GNAI1: variants seen among roughly 807,000 people sequenced by gnomAD.
The protein encoded by GNAI1 is G protein subunit alpha i1.
A neutral mutation model predicts 38.9 loss-of-function variants in GNAI1; 11 were observed. The observed-to-expected ratio is 0.28, with a 90% CI of 0.18 to 0.47. The LOEUF is 0.47. GNAI1 is among the 20% of genes least tolerant of loss of function. The pLI is 0.99. For synonymous variants in GNAI1, 166 were observed against 145.1 expected (o/e 1.14, Z -1.04); for missense variants, 317 against 436.9 (o/e 0.73, Z 2.45).
At chr7:80,171,797 A>G (rs1406629448) in intron 1 of GNAI1, among the ~76,000 whole-genome samples, 1 of 152,198 alleles carries the variant, frequency 6.6e-6, no homozygotes, top group African/African-American at 2.4e-5. Flanking sequence ...TCAGTTATTT[A>G]TCAGACATCT....
At chr7:80,188,465 ATAATAGG>A (rs542348891) in intron 1 of GNAI1, among the ~76,000 whole-genome samples, 37 of 152,348 alleles carry the variant, frequency 2.4e-4, no homozygotes, top group Admixed American at 8.5e-4. Context: ...AGTATATGAA[ATAATAGG>A]TAGAGCAGAC....
intron 1 of GNAI1, among the ~76,000 whole-genome samples, chr7:80,136,333 GTATTT>G (rs1410069446): frequency 6.6e-6 from 1 of 152,124 alleles, no homozygotes; most frequent in African/African-American, 2.4e-5. Context: ...AGGACTGCTT[GTATTT>G]TTATACCAGT....
intron 1 of GNAI1, among the ~76,000 whole-genome samples, chr7:80,154,717 A>G (rs944848683): frequency 1.3e-5 from 2 of 152,208 alleles, no homozygotes; most frequent in Non-Finnish European, 2.9e-5. Flanking sequence ...TGCACATTGT[A>G]TATTTAAGAG....
intron 1 of GNAI1, among the ~76,000 whole-genome samples, chr7:80,182,801 C>T (rs186325031): frequency 4.6e-5 from 7 of 152,310 alleles, no homozygotes; most frequent in Admixed American, 3.3e-4. Context: ...TGCATGTTCA[C>T]GTGACAAACA....
chr7:80,178,168 A>C (rs942900824), intron 1 of GNAI1, among the ~76,000 whole-genome samples: 14 of 152,224 alleles, frequency 9.2e-5, no homozygotes, highest in African/African-American at 3.4e-4. Context: ...TGAATGCAAT[A>C]TCATGATAAA....
At chr7:80,178,341 A>G (rs1788228139) in intron 1 of GNAI1, among the ~76,000 whole-genome samples, 1 of 152,252 alleles carries the variant, frequency 6.6e-6, no homozygotes, top group South Asian at 2.1e-4. Flanking sequence ...AGGGTTTTAG[A>G]GGATTGGATC....
At chr7:80,152,600 G>A (rs1369479252) in intron 1 of GNAI1, among the ~76,000 whole-genome samples, 4 of 109,196 alleles carry the variant, frequency 3.7e-5, no homozygotes, top group African/African-American at 1.5e-4. Context: ...TCTTGCTCTT[G>A]CCCACGCTGG....
Position 80,209,914 on chromosome 7 carries a change from A to G in GNAI1, c.591-1055A>G, listed in dbSNP as rs139508366. ...ATAGCTTACCTGAATTTAATGAACA[A>G]TGGTACCAGCTAAGCCAAAAGAATG... On this transcript the variant is annotated intron_variant, in intron 5 of 7. Coordinates refer to ENST00000649796, the MANE Select transcript of GNAI1 (RefSeq NM_002069.6). Among the ~76,000 whole-genome samples the G allele has an allele frequency of 2.8e-3, 421 of 152,302 alleles. 7 individuals carry two copies. The highest frequency in any genetic ancestry group is 9.8e-3 in the African/African-American group (406 of 41,566).
At chr7:80,188,244 C>T (rs1788422363) in intron 1 of GNAI1, among the ~76,000 whole-genome samples, 1 of 152,082 alleles carries the variant, frequency 6.6e-6, no homozygotes, top group Non-Finnish European at 1.5e-5. Flanking sequence ...CTTCTTGGTG[C>T]CACTGCTGCC....
At chr7:80,194,262 T>G (rs1431720199) in intron 3 of GNAI1, among the ~76,000 whole-genome samples, 1 of 152,190 alleles carries the variant, frequency 6.6e-6, no homozygotes, top group African/African-American at 2.4e-5. Flanking sequence ...TTTCCCTGTC[T>G]ATTGATTATA....
chr7:80,194,778 T>C (rs1336675937), intron 3 of GNAI1, among the ~76,000 whole-genome samples: 4 of 152,186 alleles, frequency 2.6e-5, no homozygotes, highest in South Asian at 4.1e-4. Context: ...GGGATTTTTT[T>C]CCCCTATGGA....
At chr7:80,158,223 A>G (rs1193770209) in intron 1 of GNAI1, among the ~76,000 whole-genome samples, 1 of 152,182 alleles carries the variant, frequency 6.6e-6, no homozygotes. Context: ...TTTTTCTCGT[A>G]TAAAGTTTAG....
intron 7 of GNAI1, among the ~76,000 whole-genome samples, chr7:80,216,345 AT>A (rs1485210150): frequency 6.6e-6 from 1 of 151,964 alleles, no homozygotes; most frequent in Admixed American, 6.6e-5. Context: ...ACATAACACA[AT>A]CACAACCCAT....
Position 80,218,441 on chromosome 7 carries a change from G to GT in GNAI1, c.*949dup, listed in dbSNP as rs1392181952. 2.0e-5 allele frequency: 3 copies of GT among 151,430 alleles called. No homozygotes were observed. Among genetic ancestry groups the GT allele is most frequent in the Admixed American group, 1.3e-4 (2 of 15,222 alleles). The allele number at this position is 151,430 out of a possible 1,614,324, so 9.4% of individuals were successfully genotyped here. On this transcript the variant is annotated 3_prime_UTR_variant, in exon 8 of 8. Coordinates refer to ENST00000649796, the MANE Select transcript of GNAI1 (RefSeq NM_002069.6). The stretch of plus-strand genomic sequence containing the variant: ...AGGGATCCTAAGAGCATTTTTGTGG[G>GT]TAAAAAAAAAACCTGTGGACATAAT...
At chr7:80,146,100 A>G (rs1787616655) in intron 1 of GNAI1, among the ~76,000 whole-genome samples, 1 of 152,166 alleles carries the variant, frequency 6.6e-6, no homozygotes, top group South Asian at 2.1e-4. Flanking sequence ...GTTGCTGCCT[A>G]GGAGACTTTC....
intron 5 of GNAI1, among the ~76,000 whole-genome samples, chr7:80,209,043 C>G (rs533723814): frequency 1.3e-5 from 2 of 152,300 alleles, no homozygotes; most frequent in South Asian, 4.1e-4. Context: ...TTATTTCCAT[C>G]TCAGCTCTTA....
intron 5 of GNAI1, among the ~76,000 whole-genome samples, chr7:80,205,861 A>C: frequency 6.6e-6 from 1 of 152,242 alleles, no homozygotes; most frequent in African/African-American, 2.4e-5. Context: ...TAAAAATTGT[A>C]TGATTCAACA....
At chr7:80,175,192 T>TG (rs1788160261) in intron 1 of GNAI1, among the ~76,000 whole-genome samples, 1 of 152,182 alleles carries the variant, frequency 6.6e-6, no homozygotes, top group Non-Finnish European at 1.5e-5. Context: ...CAGTATTTGT[T>TG]GTCAGCAATA....
Position 80,217,967 on chromosome 7 carries a change from ATAT to A in GNAI1, c.*477_*479del, listed in dbSNP as rs1446494271. On this transcript the variant is annotated 3_prime_UTR_variant, in exon 8 of 8. Coordinates refer to ENST00000649796, the MANE Select transcript of GNAI1 (RefSeq NM_002069.6). ...TGTAAATTTTTAAGTACAGTAATTA[ATAT>A]TAGGAAACATTACAGCCCTTATCTA... 1.3e-5 allele frequency: 2 copies of A among 152,584 alleles called. No homozygotes were observed. Among genetic ancestry groups the A allele is most frequent in the Non-Finnish European group, 2.9e-5 (2 of 68,028 alleles). 9.5% of individuals were successfully genotyped at this position (152,584 alleles called of 1,614,324 possible).
Sources: allele counts gnomAD v4.1 joint callset (sites outside exome capture counted in the v4.1 genomes callset), GRCh38; gene constraint gnomAD v4.1.1; transcripts MANE v1.5; gene names NCBI Gene and HGNC (gene_info 2026-07-23, HGNC 2026-07-21).